NSRP1: variants seen among roughly 807,000 people sequenced by gnomAD.
The protein encoded by NSRP1 is coiled-coil domain containing 55.
A neutral mutation model predicts 54.7 loss-of-function variants in NSRP1; 24 were observed. The ratio of observed to expected loss-of-function variants is 0.44; its 90% CI spans 0.32 to 0.62. The LOEUF (loss-of-function observed/expected upper bound fraction) is 0.62. Ranked by LOEUF, NSRP1 falls within the 20% of genes least tolerant of loss-of-function variation. The probability of loss-of-function intolerance (pLI) is 0.06; values close to 1 mark genes in which losing one functional copy is unlikely to be tolerated. For synonymous variants in NSRP1, 210 were observed against 213.8 expected, an observed-to-expected ratio of 0.98 and a Z score of 0.15; for missense variants, 596 against 651.2, an observed-to-expected ratio of 0.92 and a Z score of 0.92.
chr17:30,174,048 C>G (rs984343777), intron 3 of NSRP1, among the ~76,000 whole-genome samples: 6 of 152,164 alleles, frequency 3.9e-5, no homozygotes, highest in Non-Finnish European at 8.8e-5. Context: ...CCATTAAGTT[C>G]AACTTCCTCA....
At chr17:30,147,518 G>A (rs907841780) in intron 2 of NSRP1, among the ~76,000 whole-genome samples, 3 of 150,996 alleles carry the variant, frequency 2.0e-5, no homozygotes, top group Non-Finnish European at 4.4e-5. Context: ...AGGCTGGAGC[G>A]CAGTGGCCAA....
Position 30,185,509 on chromosome 17 carries a change from G to C in NSRP1, c.1512G>C (p.Glu504Asp). 1 of 1,614,088 alleles carries C rather than the reference G, an allele frequency of 6.2e-7. No individual in the cohort carries two copies. The highest frequency in any genetic ancestry group is 2.2e-5 in the East Asian group (1 of 44,882). Residue 504 changes from glutamate (E) to aspartate (D), a missense_variant, in exon 7 of 7, where the codon GAG (glutamate) becomes GAC (aspartate). Transcript: ENST00000247026. ...TGGGAGCAAAACACAGACTCACAGAGGAAGGGCAAGAGAAGGGTAAAGAAC... is the reference window on the plus strand; with the variant it reads ...TGGGAGCAAAACACAGACTCACAGACGAAGGGCAAGAGAAGGGTAAAGAAC... ...SSLGAKHRLT[E>D]EGQEKGKEQE...
chr17:30,118,225 A>C (rs780017380), intron 2 of NSRP1, 52 bp downstream of exon 2: 1 of 1,416,812 alleles, frequency 7.1e-7, no homozygotes, highest in Non-Finnish European at 1.0e-6. Flanking sequence ...AAATTTTTTA[A>C]AAATTGAACT....
chr17:30,117,718 A>G (rs2071552888), intron 1 of NSRP1, among the ~76,000 whole-genome samples: 1 of 151,858 alleles, frequency 6.6e-6, no homozygotes, highest in Admixed American at 6.6e-5. Context: ...AAAGCATTTT[A>G]AAATCTTTAG....
intron 2 of NSRP1, among the ~76,000 whole-genome samples, chr17:30,131,456 AG>A (rs2071699015): frequency 6.6e-6 from 1 of 152,204 alleles, no homozygotes; most frequent in Non-Finnish European, 1.5e-5. Context: ...ATCTCAGTAA[AG>A]CAAGTCATGT....
chr17:30,141,739 A>C (rs2071807189), intron 2 of NSRP1, among the ~76,000 whole-genome samples: 1 of 152,206 alleles, frequency 6.6e-6, no homozygotes, highest in African/African-American at 2.4e-5. Context: ...GCAGTGGCTC[A>C]TGCTGGTAAT....
chr17:30,175,660 C>T (rs1905102275), intron 3 of NSRP1, among the ~76,000 whole-genome samples: 1 of 152,040 alleles, frequency 6.6e-6, no homozygotes, highest in Non-Finnish European at 1.5e-5. Flanking sequence ...CCGTCTTCGC[C>T]CCCCAAAGTG....
At chr17:30,182,415 A>C (rs1258709795) in intron 6 of NSRP1, among the ~76,000 whole-genome samples, 1 of 151,290 alleles carries the variant, frequency 6.6e-6, no homozygotes, top group Non-Finnish European at 1.5e-5. Flanking sequence ...AGGCTGAGGC[A>C]GGTGGATCAT....
At chr17:30,142,625 G>T (rs574009591) in intron 2 of NSRP1, among the ~76,000 whole-genome samples, 1 of 152,234 alleles carries the variant, frequency 6.6e-6, no homozygotes, top group Non-Finnish European at 1.5e-5. Context: ...CTAAGTATTA[G>T]AAATAGTGTA....
At chr17:30,171,807 C>T (rs117115134) in intron 2 of NSRP1, among the ~76,000 whole-genome samples, 4 of 151,746 alleles carry the variant, frequency 2.6e-5, no homozygotes, top group Admixed American at 6.6e-5. Flanking sequence ...AAACATAAAC[C>T]GAGAGCTTGA....
chr17:30,181,429 C>T (rs1298370753), intron 6 of NSRP1, among the ~76,000 whole-genome samples: 2 of 138,694 alleles, frequency 1.4e-5, no homozygotes, highest in African/African-American at 2.7e-5. Flanking sequence ...GGCAGAGTCT[C>T]ACTCTGTCGC....
intron 3 of NSRP1, among the ~76,000 whole-genome samples, chr17:30,177,276 T>A (rs1905157639): frequency 2.0e-5 from 3 of 151,522 alleles, no homozygotes; most frequent in Admixed American, 2.0e-4. Flanking sequence ...GTGGCTGAAG[T>A]GAGAGGATCA....
intron 2 of NSRP1, among the ~76,000 whole-genome samples, chr17:30,143,124 A>C (rs1198241095): frequency 2.6e-5 from 4 of 152,110 alleles, no homozygotes; most frequent in Non-Finnish European, 4.4e-5. Flanking sequence ...ACCCATTCCA[A>C]CTTTACCATA....
chr17:30,144,578 G>T (rs149144125), intron 2 of NSRP1: 4 of 152,006 alleles, frequency 2.6e-5, no homozygotes, highest in East Asian at 1.9e-4. Context: ...GATTATTTTC[G>T]AACTGCATCC....
In NSRP1 at chr17:30,182,646, A is replaced by C. The variant is rs9892489; in HGVS notation, c.617+1630A>C. ...ACAGAGCCAGACTCCATCTCAAAAA[A>C]TAAAATGGCTGGGCACGGTGGCTCA... On this transcript the variant is annotated intron_variant, in intron 6 of 6. Transcript: ENST00000247026. 7.8e-3 allele frequency among the ~76,000 whole-genome samples: 1,161 copies of C among 149,546 alleles called. 11 individuals carry two copies. Among genetic ancestry groups the C allele is most frequent in the African/African-American group, 0.027 (1,099 of 40,386 alleles).
chr17:30,158,650 A>G (rs1904406254), intron 2 of NSRP1, among the ~76,000 whole-genome samples: 2 of 122,830 alleles, frequency 1.6e-5, no homozygotes, highest in African/African-American at 5.0e-5. Context: ...ATGGTGAGAG[A>G]CAGGGGTTTA....
chr17:30,150,150 G>C (rs1422454224), intron 2 of NSRP1: 1 of 151,766 alleles, frequency 6.6e-6, no homozygotes, highest in African/African-American at 2.4e-5. Flanking sequence ...GCGCAATCTC[G>C]GCTTACTGCA....
At chr17:30,154,839 G>A (rs981737894) in intron 2 of NSRP1, among the ~76,000 whole-genome samples, 1 of 152,114 alleles carries the variant, frequency 6.6e-6, no homozygotes, top group Non-Finnish European at 1.5e-5. Context: ...TTCCTAATCC[G>A]AAAATCCAAA....
At chr17:30,176,616 C>A (rs890412031) in intron 3 of NSRP1, among the ~76,000 whole-genome samples, 4 of 121,236 alleles carry the variant, frequency 3.3e-5, no homozygotes, top group African/African-American at 8.0e-5. Flanking sequence ...TCCCCCCCCC[C>A]CCAAAAAAAA....
Sources: allele counts gnomAD v4.1 joint callset (sites outside exome capture counted in the v4.1 genomes callset), GRCh38; gene constraint gnomAD v4.1.1; transcripts MANE v1.5; gene names NCBI Gene and HGNC (gene_info 2026-07-23, HGNC 2026-07-21).